The following ASAP1 variants were observed in gnomAD, a reference collection of about 807,000 sequenced individuals.
ASAP1 encodes ArfGAP with SH3 domain, ankyrin repeat and PH domain 1, also known as arf-GAP with SH3 domain, ANK repeat and PH domain-containing protein 1.
Under a neutral mutation model 145.2 loss-of-function variants are expected in ASAP1, and 43 were observed. The observed-to-expected ratio is 0.30, with a 90% CI of 0.23 to 0.38. The LOEUF (loss-of-function observed/expected upper bound fraction) is 0.38, where lower values mean the gene tolerates loss of function less well. Among genes scored for constraint, ASAP1 ranks in the 10% least tolerant of loss-of-function variants. The pLI is 1.00. For missense variants in ASAP1, 1,018 were observed against 1,355.3 expected (o/e 0.75, Z 3.91); for synonymous variants, 546 against 515.5 (o/e 1.06, Z -0.80).
intron 27 of ASAP1, among the ~76,000 whole-genome samples, chr8:130,074,252 C>G (rs2097456707): frequency 6.6e-6 from 1 of 151,890 alleles, no homozygotes; most frequent in Admixed American, 6.6e-5. Context: ...ATGAAATTGG[C>G]TGGGATTCGC....
intron 15 of ASAP1, among the ~76,000 whole-genome samples, chr8:130,130,192 G>C (rs1033956621): frequency 6.6e-6 from 1 of 152,186 alleles, no homozygotes; most frequent in African/African-American, 2.4e-5. Context: ...TCAAATAAGG[G>C]ATACTCAACC....
Position 130,054,639 on chromosome 8 carries a change from T to G in ASAP1, c.*92A>C. 9.1e-7 allele frequency: 1 copy of G among 1,101,056 alleles called. No individual in the cohort carries two copies. Among genetic ancestry groups the G allele is most frequent in the South Asian group, 1.3e-5 (1 of 79,684 alleles). The allele number at this position is 1,101,056 out of a possible 1,614,324, so 68.2% of individuals were successfully genotyped here. A position where few individuals can be genotyped will look rare whatever the true frequency, so the allele number is the denominator to read the frequency against. ...GCCCTTCCATGAGTTTCTTACTCTG[T>G]AACAGCAGCTATATACACACTGTGC... On this transcript the variant is annotated 3_prime_UTR_variant, in exon 30 of 30. Transcript: ENST00000518721.
chr8:130,254,227 T>C (rs1819379566), intron 3 of ASAP1, among the ~76,000 whole-genome samples: 1 of 152,198 alleles, frequency 6.6e-6, no homozygotes, highest in South Asian at 2.1e-4. Flanking sequence ...TGCCAAGGAT[T>C]CCAGTGGGTT....
intron 2 of ASAP1, among the ~76,000 whole-genome samples, chr8:130,392,783 G>C (rs1263014998): frequency 1.3e-5 from 2 of 152,116 alleles, no homozygotes; most frequent in African/African-American, 4.8e-5. Flanking sequence ...GCAGAGATCA[G>C]ATGGTGAGAG....
chr8:130,254,956 T>C (rs1239910187), intron 3 of ASAP1, among the ~76,000 whole-genome samples: 1 of 152,186 alleles, frequency 6.6e-6, no homozygotes, highest in African/African-American at 2.4e-5. Flanking sequence ...TGCTTCTGAT[T>C]TCCCCAACTG....
intron 2 of ASAP1, among the ~76,000 whole-genome samples, chr8:130,359,505 G>A (rs988423690): frequency 6.6e-6 from 1 of 152,108 alleles, no homozygotes; most frequent in Non-Finnish European, 1.5e-5. Flanking sequence ...TGTAATTCAA[G>A]CCAGGAGAGC....
chr8:130,379,604 A>T (rs1487983663), intron 2 of ASAP1, among the ~76,000 whole-genome samples: 2 of 152,188 alleles, frequency 1.3e-5, no homozygotes, highest in African/African-American at 4.8e-5. Flanking sequence ...TTGAACATGT[A>T]GTTCGGGTAG....
chr8:130,275,493 T>C (rs1323474341), intron 3 of ASAP1, among the ~76,000 whole-genome samples: 2 of 152,192 alleles, frequency 1.3e-5, no homozygotes, highest in South Asian at 2.1e-4. Context: ...GCTCTCCTCC[T>C]GGCTAGCCTA....
chr8:130,066,547 CTTTT>C (rs2097431115), intron 27 of ASAP1, among the ~76,000 whole-genome samples: 1 of 152,034 alleles, frequency 6.6e-6, no homozygotes, highest in African/African-American at 2.4e-5. Context: ...CCTTCCCTTT[CTTTT>C]CTTTCTCATT....
intron 2 of ASAP1, among the ~76,000 whole-genome samples, chr8:130,373,029 CACACAT>C (rs1364645064): frequency 2.7e-5 from 4 of 149,196 alleles, no homozygotes; most frequent in Non-Finnish European, 6.0e-5. Context: ...CAGACACACA[CACACAT>C]ACACACATAC....
At chr8:130,225,963 C>T (rs759979990) in intron 4 of ASAP1, among the ~76,000 whole-genome samples, 2 of 151,926 alleles carry the variant, frequency 1.3e-5, no homozygotes, top group Non-Finnish European at 2.9e-5. Flanking sequence ...GCTGTAGCCT[C>T]GATCTCCTGG....
intron 2 of ASAP1, among the ~76,000 whole-genome samples, chr8:130,390,686 G>A (rs905937493): frequency 2.0e-4 from 30 of 152,178 alleles, no homozygotes; most frequent in Admixed American, 1.8e-3. Flanking sequence ...ATACAAAGCT[G>A]AAAATGGAAT....
rs1192216889 is a variant in ASAP1 at position 130,054,136 on chromosome 8, C to G, written c.*595G>C. 1 of 153,148 alleles carries G rather than the reference C, an allele frequency of 6.5e-6. No individual in the cohort carries two copies. Among genetic ancestry groups the G allele is most frequent in the Non-Finnish European group, 1.5e-5 (1 of 68,460 alleles). The allele number at this position is 153,148 out of a possible 1,614,324, so 9.5% of individuals were successfully genotyped here. Reference sequence around the variant, plus strand: ...ATGAGGCTGTGTGCATTGTAAAATGCCATAAAGAGTTTTGGGTCAGTGAAT... The same window carrying G: ...ATGAGGCTGTGTGCATTGTAAAATGGCATAAAGAGTTTTGGGTCAGTGAAT... On this transcript the variant is annotated 3_prime_UTR_variant, in exon 30 of 30. Coordinates refer to ENST00000518721, the MANE Select transcript of ASAP1 (RefSeq NM_018482.4).
rs759057037 is a variant in ASAP1, at chr8:130,187,319, C to T, written c.481-34G>A. The T allele has an allele frequency of 1.4e-5, 22 of 1,526,836 alleles. No individual in the cohort carries two copies. The South Asian group carries it at 1.9e-4, about 13-fold the overall frequency. 94.6% of individuals were successfully genotyped at this position (1,526,836 alleles called of 1,614,324 possible). A position where few individuals can be genotyped will look rare whatever the true frequency, so the allele number is the denominator to read the frequency against. On this transcript the variant is annotated intron_variant, in intron 6 of 29. Transcript: ENST00000518721. ...CGAGAAAATGAGATTAAAATTGCAA[C>T]TACTTTTGCTGAAAATTAATAAATA...
At position 130,112,236 on chromosome 8, in the gene ASAP1, C is replaced by T. The variant is rs1392224017; in HGVS notation, c.2259G>A (p.Leu753=). ...SSISPQDKLA[L]PGFSTPRDKQ... is the part of the protein sequence containing the mutation. ...TGTCCCTTGGAGTGCTGAATCCTGG[C>T]AGTGCCAGCTTGTCCTGGGGGGAGA... The change falls in exon 24 of 30, where the codon CTG becomes CTA. Residue 753 remains leucine, a synonymous_variant. Transcript: ENST00000518721. 6.2e-7 allele frequency: 1 copy of T among 1,614,078 alleles called. No individual in the cohort carries two copies. The highest frequency in any genetic ancestry group is 8.5e-7 in the Non-Finnish European group (1 of 1,180,030).
At chr8:130,164,063 G>T (rs1054169292) in intron 11 of ASAP1, among the ~76,000 whole-genome samples, 1 of 152,172 alleles carries the variant, frequency 6.6e-6, no homozygotes, top group African/African-American at 2.4e-5. Context: ...TATCAATGGA[G>T]TGGGCAAAAG....
At chr8:130,400,722 C>T (rs1489838146) in intron 2 of ASAP1, among the ~76,000 whole-genome samples, 15 of 146,016 alleles carry the variant, frequency 1.0e-4, no homozygotes, top group East Asian at 2.1e-4. Flanking sequence ...AGCCGGGAGG[C>T]GGAGCTTGCA....
chr8:130,407,507 A>T (rs1168198624), intron 1 of ASAP1, among the ~76,000 whole-genome samples: 1 of 152,226 alleles, frequency 6.6e-6, no homozygotes, highest in Non-Finnish European at 1.5e-5. Flanking sequence ...TATCTGTCGA[A>T]GGAGTGAGTG....
intron 3 of ASAP1, among the ~76,000 whole-genome samples, chr8:130,243,261 C>T (rs987088458): frequency 6.6e-6 from 1 of 152,132 alleles, no homozygotes; most frequent in Non-Finnish European, 1.5e-5. Flanking sequence ...TTTATCCATA[C>T]TTCTCACATC....
Sources: gnomAD v4.1 joint callset for allele counts (sites outside exome capture counted in the v4.1 genomes callset) on GRCh38, gnomAD v4.1.1 for gene constraint, MANE v1.5 for transcripts, NCBI Gene and HGNC (gene_info 2026-07-23, HGNC 2026-07-21) for gene names.